Variants in AGBL1 observed in about 807,000 individuals in gnomAD.
The protein encoded by AGBL1 is AGBL carboxypeptidase 1.
A neutral mutation model predicts 118.9 loss-of-function variants in AGBL1; 130 were observed. The ratio of observed to expected loss-of-function variants is 1.09; its 90% CI spans 0.95 to 1.26. The LOEUF is 1.26. Among genes scored for constraint, AGBL1 ranks in the 50% most tolerant of loss-of-function variants. The pLI, the probability that AGBL1 is intolerant of heterozygous loss-of-function variation, is 0.00. For synonymous variants in AGBL1, 555 were observed against 478.9 expected (o/e 1.16, Z -2.08); for missense variants, 1,584 against 1,298.1 (o/e 1.22, Z -3.38).
chr15:86,827,050 A>G (rs1188594323), intron 22 of AGBL1, among the ~76,000 whole-genome samples: 1 of 151,390 alleles, frequency 6.6e-6, no homozygotes, highest in Non-Finnish European at 1.5e-5. Context: ...TGTCATTGCA[A>G]GTACATGTGG....
At chr15:86,526,757 C>T (rs2142209263) in intron 19 of AGBL1, among the ~76,000 whole-genome samples, 1 of 151,524 alleles carries the variant, frequency 6.6e-6, no homozygotes, top group South Asian at 2.1e-4. Flanking sequence ...GTGAAGTAAC[C>T]CAGGAATGAA....
chr15:86,164,902 C>T (rs12324145), intron 5 of AGBL1, among the ~76,000 whole-genome samples: 4,579 of 152,272 alleles, frequency 0.03, 217 homozygotes, highest in African/African-American at 0.11. Context: ...GCCCCAAGGA[C>T]ACAGGAAGTC....
intron 22 of AGBL1, among the ~76,000 whole-genome samples, chr15:86,720,997 G>T (rs1229389542): frequency 2.0e-5 from 3 of 152,052 alleles, no homozygotes; most frequent in Admixed American, 1.3e-4. Flanking sequence ...TGAAATTGAG[G>T]CAATAATTAA....
intron 18 of AGBL1, among the ~76,000 whole-genome samples, chr15:86,467,992 T>C (rs1352709797): frequency 2.0e-5 from 3 of 152,100 alleles, no homozygotes; most frequent in Non-Finnish European, 4.4e-5. Context: ...CAGATGTTCC[T>C]TTATTTTCTT....
At chr15:86,802,430 G>T (rs1471674539) in intron 22 of AGBL1, among the ~76,000 whole-genome samples, 1 of 152,014 alleles carries the variant, frequency 6.6e-6, no homozygotes, top group Non-Finnish European at 1.5e-5. Context: ...ATTTCCAGTG[G>T]ACAAATGTTC....
chr15:86,968,433 T>C (rs116660839), intron 23 of AGBL1, among the ~76,000 whole-genome samples: 1,845 of 152,030 alleles, frequency 0.012, 36 homozygotes, highest in African/African-American at 0.04. Context: ...AACTTACAAT[T>C]AATTGCTTAC....
At chr15:86,300,944 A>T (rs2079735243) in intron 17 of AGBL1, among the ~76,000 whole-genome samples, 1 of 152,176 alleles carries the variant, frequency 6.6e-6, no homozygotes, top group African/African-American at 2.4e-5. Flanking sequence ...GGGAGTTGTC[A>T]CTTGTAAGTG....
chr15:86,783,910 C>T (rs953011982), intron 22 of AGBL1, among the ~76,000 whole-genome samples: 9 of 152,152 alleles, frequency 5.9e-5, no homozygotes, highest in South Asian at 2.1e-4. Flanking sequence ...GGATTACAGG[C>T]GTGAGCCACC....
chr15:86,755,203 T>C (rs533207956), intron 22 of AGBL1, among the ~76,000 whole-genome samples: 2 of 152,096 alleles, frequency 1.3e-5, no homozygotes, highest in African/African-American at 2.4e-5. Flanking sequence ...GGAAGGCAAA[T>C]AAAAGTAGGG....
Position 86,266,460 on chromosome 15 carries a change from A to G in AGBL1, c.1751+3A>G, listed in dbSNP as rs959634556. ...GTCTTCAGTTTAGATGAGCCTTGGT[A>G]GGTAGTCTCGTGCATCTGAGGAAGG... On this transcript the variant is annotated splice_donor_region_variant and intron_variant, in intron 12 of 22. Coordinates refer to ENST00000614907, the MANE Select transcript of AGBL1 (RefSeq NM_001386094.1). 5.8e-6 allele frequency: 9 copies of G among 1,558,800 alleles called. No individual in the cohort carries two copies. In the African/African-American group the frequency reaches 1.2e-4, roughly 21 times the overall value.
At chr15:86,182,878 C>T (rs1279632289) in intron 5 of AGBL1, among the ~76,000 whole-genome samples, 1 of 152,112 alleles carries the variant, frequency 6.6e-6, no homozygotes, top group Non-Finnish European at 1.5e-5. Flanking sequence ...TTTACAGTTT[C>T]CTTGGAGAAG....
At chr15:86,321,814 A>C (rs2080109296) in intron 17 of AGBL1, among the ~76,000 whole-genome samples, 1 of 151,686 alleles carries the variant, frequency 6.6e-6, no homozygotes, top group African/African-American at 2.4e-5. Flanking sequence ...TTTAAATGCC[A>C]CTTTATCTCT....
chr15:86,285,406 C>T (rs1037581746), intron 16 of AGBL1, among the ~76,000 whole-genome samples: 5 of 152,032 alleles, frequency 3.3e-5, no homozygotes, highest in South Asian at 2.1e-4. Context: ...TCTTACGTGT[C>T]GTGGGAATTA....
At chr15:86,850,447 G>A (rs1035923710) in intron 22 of AGBL1, among the ~76,000 whole-genome samples, 5 of 152,122 alleles carry the variant, frequency 3.3e-5, no homozygotes, top group African/African-American at 9.7e-5. Flanking sequence ...TTTATAAACA[G>A]ATCTTTGCCA....
At chr15:86,918,171 A>C (rs2080447761), downstream of AGBL1, among the ~76,000 whole-genome samples, 1 of 152,234 alleles carries the variant, frequency 6.6e-6, no homozygotes. Flanking sequence ...ACTTACCATA[A>C]ACATGAACCA....
At chr15:86,213,037 A>G (rs180887110) in intron 5 of AGBL1, among the ~76,000 whole-genome samples, 2 of 152,322 alleles carry the variant, frequency 1.3e-5, no homozygotes, top group East Asian at 1.9e-4. Context: ...GGAATCATAA[A>G]TCCTGTCAAT....
intron 21 of AGBL1, among the ~76,000 whole-genome samples, chr15:86,665,965 T>C (rs1241949877): frequency 6.6e-6 from 1 of 152,126 alleles, no homozygotes; most frequent in Non-Finnish European, 1.5e-5. Context: ...TACCGAAACA[T>C]TTCATCATCA....
At chr15:86,927,110 C>A (rs923271513) in intron 23 of AGBL1, among the ~76,000 whole-genome samples, 1 of 150,956 alleles carries the variant, frequency 6.6e-6, no homozygotes, top group African/African-American at 2.4e-5. Flanking sequence ...TTGCACTCCA[C>A]CCCAGGCGAC....
At chr15:86,244,090 T>TAAATAAATAA (rs869126841) in intron 6 of AGBL1, among the ~76,000 whole-genome samples, 8 of 93,458 alleles carry the variant, frequency 8.6e-5, no homozygotes, top group African/African-American at 2.4e-4. Flanking sequence ...TAAATAAATA[T>TAAATAAATAA]ATATATAAGT....
Sources: allele counts gnomAD v4.1 joint callset (sites outside exome capture counted in the v4.1 genomes callset), GRCh38; gene constraint gnomAD v4.1.1; transcripts MANE v1.5; gene names NCBI Gene and HGNC (gene_info 2026-07-23, HGNC 2026-07-21).